CCDC122: variants seen among roughly 807,000 people sequenced by gnomAD.
CCDC122 encodes coiled-coil domain containing 122.
CCDC122 carries 38 observed loss-of-function variants against 37.0 expected under a neutral mutation model. The ratio of observed to expected loss-of-function variants is 1.03; its 90% CI spans 0.79 to 1.35. The LOEUF (loss-of-function observed/expected upper bound fraction) is 1.35, where lower values mean the gene tolerates loss of function less well. Among genes scored for constraint, CCDC122 ranks in the 40% most tolerant of loss-of-function variants. The pLI is 0.00. For missense variants in CCDC122, 305 were observed against 310.0 expected (o/e 0.98, Z 0.12); for synonymous variants, 83 against 95.6 (o/e 0.87, Z 0.77).
chr13:43,854,901 A>C (rs1953856592), intron 6 of CCDC122: 1 of 152,226 alleles, frequency 6.6e-6, no homozygotes, highest in South Asian at 2.1e-4. Flanking sequence ...TAGATGCAGA[A>C]AAGACTGTCG....
At chr13:43,860,868 T>C (rs1954080608) in intron 4 of CCDC122, among the ~76,000 whole-genome samples, 1 of 152,238 alleles carries the variant, frequency 6.6e-6, no homozygotes, top group Non-Finnish European at 1.5e-5. Context: ...TCTAATTCAC[T>C]ATATCCAAAA....
intron 6 of CCDC122, among the ~76,000 whole-genome samples, chr13:43,851,110 A>G (rs1417250067): frequency 6.6e-6 from 1 of 152,232 alleles, no homozygotes; most frequent in Admixed American, 6.5e-5. Flanking sequence ...AATAGCCTTT[A>G]GGAATGAAGG....
At chr13:43,835,731 T>A (rs974103018), downstream of CCDC122, among the ~76,000 whole-genome samples, 3 of 152,206 alleles carry the variant, frequency 2.0e-5, no homozygotes, top group Non-Finnish European at 4.4e-5. Flanking sequence ...AAAACTATAA[T>A]TTTTTATAAG....
chr13:43,868,282 A>C (rs1481783990), intron 4 of CCDC122, among the ~76,000 whole-genome samples: 1 of 152,126 alleles, frequency 6.6e-6, no homozygotes, highest in African/African-American at 2.4e-5. Context: ...AGGATTATCA[A>C]TATATTTAAA....
chr13:43,855,846 C>T (rs1425857683), intron 6 of CCDC122: 1 of 152,108 alleles, frequency 6.6e-6, no homozygotes, highest in African/African-American at 2.4e-5. Flanking sequence ...ACCCAGCAAT[C>T]CCATTACTGA....
intron 4 of CCDC122, among the ~76,000 whole-genome samples, chr13:43,864,894 C>T (rs1954223608): frequency 6.6e-6 from 1 of 152,152 alleles, no homozygotes; most frequent in African/African-American, 2.4e-5. Flanking sequence ...CTTTTAGCCC[C>T]ATTTCCCCAG....
intron 4 of CCDC122, 47 bp downstream of exon 4, chr13:43,868,647 C>A: frequency 1.0e-6 from 1 of 997,512 alleles, no homozygotes. Flanking sequence ...TGGTCATTTA[C>A]TTTTGAAGAA....
chr13:43,825,788 A>AAG (rs386378985), intron 3 of CCDC122, among the ~76,000 whole-genome samples: 1 of 151,068 alleles, frequency 6.6e-6, no homozygotes, highest in Non-Finnish European at 1.5e-5. Flanking sequence ...AAAAAAAAAA[A>AAG]AGGGAGGGAG....
At chr13:43,822,091 T>C (rs1485144610), downstream of CCDC122, among the ~76,000 whole-genome samples, 1 of 152,194 alleles carries the variant, frequency 6.6e-6, no homozygotes, top group Non-Finnish European at 1.5e-5. Context: ...TAGGCATTTA[T>C]TGTTGTCTTT....
At chr13:43,861,744 C>T (rs1230285037) in intron 4 of CCDC122, among the ~76,000 whole-genome samples, 2 of 152,140 alleles carry the variant, frequency 1.3e-5, no homozygotes, top group African/African-American at 2.4e-5. Flanking sequence ...GTTTCAAATG[C>T]TCACTTGACA....
chr13:43,853,700 G>A (rs1030473229), intron 6 of CCDC122, among the ~76,000 whole-genome samples: 2 of 152,136 alleles, frequency 1.3e-5, no homozygotes, highest in African/African-American at 4.8e-5. Flanking sequence ...TATTCTCATC[G>A]CCACATGGCA....
chr13:43,821,677 C>CT (rs1188729685), downstream of CCDC122, among the ~76,000 whole-genome samples: 1 of 151,954 alleles, frequency 6.6e-6, no homozygotes, highest in African/African-American at 2.4e-5. Context: ...CTTTCTTATT[C>CT]TTTTTTCTTT....
At chr13:43,829,324 G>T (rs1191361637) in intron 3 of CCDC122, among the ~76,000 whole-genome samples, 1 of 151,838 alleles carries the variant, frequency 6.6e-6, no homozygotes, top group African/African-American at 2.4e-5. Context: ...TTATTTTTTT[G>T]AGACGGAGTC....
intron 6 of CCDC122, among the ~76,000 whole-genome samples, chr13:43,840,998 T>C (rs1000830280): frequency 2.0e-5 from 3 of 152,192 alleles, no homozygotes; most frequent in Admixed American, 6.5e-5. Context: ...ACAGTCCCAC[T>C]AACAGTGTAA....
At chr13:43,854,537 T>C (rs1374799329) in intron 6 of CCDC122, 1 of 152,196 alleles carries the variant, frequency 6.6e-6, no homozygotes, top group Non-Finnish European at 1.5e-5. Context: ...AGCTGAATTC[T>C]ATCAGATATA....
chr13:43,824,349 C>A lies in CCDC122; in HGVS notation n.602-338G>T, dbSNP rs113945721. On this transcript the variant is annotated intron_variant and non_coding_transcript_variant, in intron 3 of 3. Transcript: ENST00000470137. ...CATGGTGAAAGGACTCGCACTTATGCCACATAAGTTGTGATAGAAACGGAA... is the reference window on the plus strand; with the variant it reads ...CATGGTGAAAGGACTCGCACTTATGACACATAAGTTGTGATAGAAACGGAA... Among the ~76,000 whole-genome samples, 74 of 152,280 alleles carry A rather than the reference C, an allele frequency of 4.9e-4. 1 individual carries two copies. Among genetic ancestry groups the A allele is most frequent in the African/African-American group, 1.5e-3 (64 of 41,574 alleles).
chr13:43,848,945 T>C, intron 6 of CCDC122: 1 of 972,440 alleles, frequency 1.0e-6, no homozygotes, highest in Non-Finnish European at 1.2e-6. Context: ...ATTCACCTTC[T>C]CTAAAAACTG....
chr13:43,867,882 A>G (rs1191598300), intron 4 of CCDC122, among the ~76,000 whole-genome samples: 1 of 152,098 alleles, frequency 6.6e-6, no homozygotes. Flanking sequence ...TCATATATCT[A>G]CTGATGCACT....
At chr13:43,824,862 T>C (rs1953025157) in intron 3 of CCDC122, among the ~76,000 whole-genome samples, 1 of 152,162 alleles carries the variant, frequency 6.6e-6, no homozygotes, top group Non-Finnish European at 1.5e-5. Context: ...CATCTCATAC[T>C]AGTCAGAATG....
Sources: gnomAD v4.1 joint callset for allele counts (sites outside exome capture counted in the v4.1 genomes callset) on GRCh38, gnomAD v4.1.1 for gene constraint, MANE v1.5 for transcripts, NCBI Gene and HGNC (gene_info 2026-07-23, HGNC 2026-07-21) for gene names.